The following CNGB1 variants were observed in gnomAD, a reference collection of about 807,000 sequenced individuals.
The protein encoded by CNGB1 is cyclic nucleotide gated channel subunit beta 1, also known as cyclic nucleotide-gated channel beta-1.
A neutral mutation model predicts 151.7 loss-of-function variants in CNGB1; 126 were observed. The ratio of observed to expected loss-of-function variants is 0.83; its 90% CI spans 0.72 to 0.96. The LOEUF (loss-of-function observed/expected upper bound fraction) is 0.96, where lower values mean the gene tolerates loss of function less well. Ranked by LOEUF, CNGB1 falls within the 40% of genes least tolerant of loss-of-function variation. The pLI is 0.00. For synonymous variants in CNGB1, 623 were observed against 635.1 expected (o/e 0.98, Z 0.29); for missense variants, 1,698 against 1,627.0 (o/e 1.04, Z -0.75).
chr16:57,916,052 C>T, intron 22 of CNGB1, 77 bp downstream of exon 22: 2 of 1,399,452 alleles, frequency 1.4e-6, no homozygotes, highest in South Asian at 2.3e-5. Flanking sequence ...TCATGAACGC[C>T]CCAGGCACCC....
At chr16:57,948,223 A>G (rs371971362) in intron 14 of CNGB1, among the ~76,000 whole-genome samples, 2 of 152,002 alleles carry the variant, frequency 1.3e-5, no homozygotes, top group East Asian at 3.9e-4. Flanking sequence ...TCTCCTGCTC[A>G]TGAACCTTCA....
chr16:57,892,050 G>A (rs990545291), intron 31 of CNGB1, among the ~76,000 whole-genome samples: 15 of 126,468 alleles, frequency 1.2e-4, no homozygotes, highest in Non-Finnish European at 2.1e-4. Flanking sequence ...CAGTGCAATC[G>A]CCAACAAAAA....
Position 57,923,400 on chromosome 16 carries a change from G to C in CNGB1, c.1536-20C>G, listed in dbSNP as rs747838139. On this transcript the variant is annotated intron_variant, in intron 17 of 32. Transcript: ENST00000251102. ...TTCTTCCTGCAAAGACACAGATGTG[G>C]AAGGGGCCTTCAGCAAAGGCAGAGG... The C allele has an allele frequency of 6.3e-7, 1 of 1,599,182 alleles. No individual in the cohort carries two copies. Among genetic ancestry groups the C allele is most frequent in the Non-Finnish European group, 8.6e-7 (1 of 1,168,032 alleles).
At chr16:57,892,072 C>CA (rs34104252) in intron 31 of CNGB1, among the ~76,000 whole-genome samples, 12,901 of 96,142 alleles carry the variant, frequency 0.13, 862 homozygotes, top group African/African-American at 0.19. Context: ...CACAAAAATG[C>CA]AAAAAAAAAA....
intron 31 of CNGB1, among the ~76,000 whole-genome samples, chr16:57,893,547 C>T (rs1387147925): frequency 1.3e-5 from 2 of 152,082 alleles, no homozygotes; most frequent in Admixed American, 6.6e-5. Context: ...CCTGTAATCC[C>T]AGCACTTTGG....
chr16:57,926,314 G>A (rs368066520), intron 17 of CNGB1, among the ~76,000 whole-genome samples: 1 of 152,152 alleles, frequency 6.6e-6, no homozygotes, highest in Non-Finnish European at 1.5e-5. Flanking sequence ...GAGGACACTG[G>A]GGCAGGGGTC....
chr16:57,902,953 T>C (rs1294294452), intron 27 of CNGB1, among the ~76,000 whole-genome samples: 2 of 152,142 alleles, frequency 1.3e-5, no homozygotes, highest in Non-Finnish European at 2.9e-5. Context: ...ATATCGACTT[T>C]ATAGATGAGC....
intron 12 of CNGB1, among the ~76,000 whole-genome samples, chr16:57,954,216 C>A (rs1460104618): frequency 6.6e-6 from 1 of 152,184 alleles, no homozygotes; most frequent in East Asian, 1.9e-4. Context: ...ACACTTTATT[C>A]CCTCTACTGG....
intron 4 of CNGB1, 125 bp from the exon 5 acceptor site, chr16:57,963,189 G>GT: frequency 1.2e-6 from 1 of 833,864 alleles, no homozygotes; most frequent in Non-Finnish European, 2.1e-6. Context: ...GTGTGGTGTG[G>GT]TTATTGGAAA....
chr16:57,941,843 T>G (rs771388924), intron 14 of CNGB1, among the ~76,000 whole-genome samples: 4 of 152,090 alleles, frequency 2.6e-5, no homozygotes, highest in African/African-American at 4.8e-5. Flanking sequence ...CCTTTTTATT[T>G]ATTTATTTAT....
intron 29 of CNGB1, among the ~76,000 whole-genome samples, chr16:57,899,043 GAC>G (rs1960312740): frequency 6.6e-6 from 1 of 152,144 alleles, no homozygotes; most frequent in Admixed American, 6.5e-5. Flanking sequence ...GATGTGAGGA[GAC>G]ACAAAAAAAA....
intron 14 of CNGB1, among the ~76,000 whole-genome samples, chr16:57,945,601 C>T (rs1007611711): frequency 9.8e-5 from 15 of 152,370 alleles, no homozygotes; most frequent in African/African-American, 3.4e-4. Context: ...AAAAAGACTG[C>T]CAGATGTTGT....
rs568505462 is a variant in CNGB1 at position 57,904,043 on chromosome 16, C to T, written c.2635-62G>A. 9 of 1,535,270 alleles carry T rather than the reference C, an allele frequency of 5.9e-6. No homozygotes were observed. The South Asian group carries it at 9.2e-5, about 16-fold the overall frequency. The stretch of plus-strand genomic sequence containing the variant: ...GGGTCATTGGGGGTGGGCGCTATTC[C>T]ATGGATTTGGGATGTGTCACTTCAC... On this transcript the variant is annotated intron_variant, in intron 26 of 32. Transcript: ENST00000251102.
chr16:57,949,620 C>G (rs1961899357), intron 13 of CNGB1, among the ~76,000 whole-genome samples, 181 bp from the exon 14 acceptor site: 1 of 152,322 alleles, frequency 6.6e-6, no homozygotes. Context: ...GCAACAAACC[C>G]TCTCCTCTGC....
chr16:57,942,210 A>G (rs1293674962), intron 14 of CNGB1, among the ~76,000 whole-genome samples: 2 of 152,156 alleles, frequency 1.3e-5, no homozygotes, highest in Non-Finnish European at 2.9e-5. Flanking sequence ...TCAATGTACT[A>G]TAAGAGGTCC....
chr16:57,937,547 G>A (rs899454321), intron 16 of CNGB1, among the ~76,000 whole-genome samples: 9 of 152,100 alleles, frequency 5.9e-5, no homozygotes, highest in Admixed American at 1.3e-4. Flanking sequence ...CAGGAGCACC[G>A]AGGGACAGCC....
chr16:57,914,939 G>A (rs838581), intron 23 of CNGB1, among the ~76,000 whole-genome samples: 73,417 of 151,486 alleles, frequency 0.48, 17,838 homozygotes, highest in East Asian at 0.58. Context: ...CAGATGACCT[G>A]CATTCATATC....
chr16:57,915,109 G>A (rs1271204607), intron 23 of CNGB1, 140 bp downstream of exon 23: 1 of 640,228 alleles, frequency 1.6e-6, no homozygotes, highest in African/African-American at 1.8e-5. Flanking sequence ...AGACACACGT[G>A]GAATAAATGC....
intron 16 of CNGB1, among the ~76,000 whole-genome samples, chr16:57,938,799 C>T (rs1961579866): frequency 6.6e-6 from 1 of 152,176 alleles, no homozygotes; most frequent in Non-Finnish European, 1.5e-5. Context: ...CCACCTGTCC[C>T]AGCTCCAGGG....
Sources: allele counts gnomAD v4.1 joint callset (sites outside exome capture counted in the v4.1 genomes callset), GRCh38; gene constraint gnomAD v4.1.1; transcripts MANE v1.5; gene names NCBI Gene and HGNC (gene_info 2026-07-23, HGNC 2026-07-21).